Variants in DDAH1 observed in about 807,000 individuals in gnomAD.
DDAH1 encodes N(G),N(G)-dimethylarginine dimethylaminohydrolase 1.
A neutral mutation model predicts 28.8 loss-of-function variants in DDAH1; 19 were observed. That is an observed-to-expected ratio of 0.66 (90% CI 0.46 to 0.97). The LOEUF (loss-of-function observed/expected upper bound fraction) is 0.97, where lower values mean the gene tolerates loss of function less well. DDAH1 is among the 50% of genes least tolerant of loss of function. The pLI, the probability that DDAH1 is intolerant of heterozygous loss-of-function variation, is 0.00. For synonymous variants in DDAH1, 153 were observed against 154.4 expected (o/e 0.99, Z 0.07); for missense variants, 326 against 375.9 (o/e 0.87, Z 1.10).
In DDAH1 at chr1:85,358,956, C is replaced by T. The variant is rs892372075; in HGVS notation, c.304-109G>A. On this transcript the variant is annotated intron_variant, in intron 1 of 5. Transcript: ENST00000284031. ...AAGCTCTCGTGCACACACCCACACA[C>T]ATCCACACTCATATACACACCCATC... 7.3e-6 allele frequency: 5 copies of T among 688,842 alleles called. No homozygotes were observed. In the African/African-American group the frequency reaches 9.0e-5, roughly 12 times the overall value. 42.7% of individuals were successfully genotyped at this position (688,842 alleles called of 1,614,324 possible).
At chr1:85,342,397 T>C (rs1242082687) in intron 4 of DDAH1, among the ~76,000 whole-genome samples, 2 of 151,912 alleles carry the variant, frequency 1.3e-5, no homozygotes, top group African/African-American at 4.8e-5. Flanking sequence ...AGTGTGTGTG[T>C]GTGTGTGTGT....
intron 1 of DDAH1, among the ~76,000 whole-genome samples, chr1:85,575,159 A>C (rs562286853): frequency 1.5e-3 from 232 of 152,290 alleles, no homozygotes; most frequent in Non-Finnish European, 2.3e-3. Context: ...TGAGCCCAGG[A>C]GGTCAAGGCT....
intron 1 of DDAH1, among the ~76,000 whole-genome samples, chr1:85,377,717 C>G (rs1262830195): frequency 2.0e-5 from 3 of 150,854 alleles, no homozygotes; most frequent in African/African-American, 7.3e-5. Flanking sequence ...CTCATCCCCC[C>G]ACCCCCATAC....
In DDAH1 at chr1:85,571,626, T is replaced by C. The variant is rs148705540; in HGVS notation, c.-123+6358A>G. ...AGCATGCAGCATGCCATACATGTTA[T>C]GTTTATTAGAATGAACTGAATCATC... is the stretch of plus-strand genomic sequence containing the variant. On this transcript the variant is annotated intron_variant, in intron 1 of 6. Coordinates refer to the DDAH1 transcript ENST00000426972. Among the ~76,000 whole-genome samples the C allele has an allele frequency of 1.3e-3, 194 of 152,326 alleles. 1 individual carries two copies. The highest frequency in any genetic ancestry group is 4.5e-3 in the African/African-American group (188 of 41,576).
chr1:85,343,757 G>T lies in DDAH1; in HGVS notation c.597+6658C>A, dbSNP rs1054936321. Among the ~76,000 whole-genome samples, 5 of 152,122 alleles carry T rather than the reference G, an allele frequency of 3.3e-5. 1 individual carries two copies. The East Asian group carries it at 9.6e-4, about 29-fold the overall frequency. ...TAGTTGTCATTAAAGGAAATTCCAG[G>T]CAATAAAAAGCATATAAAATCCAAA... On this transcript the variant is annotated intron_variant, in intron 4 of 5. Transcript: ENST00000284031.
At chr1:85,438,314 C>T (rs1654033544) in intron 1 of DDAH1, among the ~76,000 whole-genome samples, 1 of 152,102 alleles carries the variant, frequency 6.6e-6, no homozygotes, top group Admixed American at 6.6e-5. Context: ...CATGGACCCC[C>T]TGAACCTAAA....
intron 2 of DDAH1, among the ~76,000 whole-genome samples, chr1:85,472,756 C>T (rs1192406025): frequency 4.6e-5 from 7 of 151,968 alleles, no homozygotes; most frequent in African/African-American, 7.3e-5. Context: ...GGTACATGTG[C>T]GGGTTTGTGA....
At chr1:85,468,526 T>TC (rs1655468298), upstream of DDAH1, among the ~76,000 whole-genome samples, 1 of 151,458 alleles carries the variant, frequency 6.6e-6, no homozygotes, top group Admixed American at 6.6e-5. Flanking sequence ...CTCTCCTTTT[T>TC]TTTTTTTTTT....
intron 1 of DDAH1, among the ~76,000 whole-genome samples, chr1:85,362,955 C>T (rs1256871914): frequency 2.0e-5 from 3 of 152,106 alleles, no homozygotes; most frequent in African/African-American, 7.2e-5. Context: ...ACTAAAAGAA[C>T]TCCCAAAAAA....
intron 1 of DDAH1, among the ~76,000 whole-genome samples, chr1:85,518,969 G>T (rs534618064): frequency 6.6e-6 from 1 of 151,780 alleles, no homozygotes; most frequent in East Asian, 1.9e-4. Context: ...GAATGAGATA[G>T]AACTGTGTTA....
intron 1 of DDAH1, among the ~76,000 whole-genome samples, chr1:85,442,487 A>G (rs199776843): frequency 2.0e-5 from 3 of 152,252 alleles, no homozygotes; most frequent in African/African-American, 4.8e-5. Context: ...TGCAATAAAC[A>G]TAAGTGTGCA....
chr1:85,510,216 T>A (rs574683547), intron 1 of DDAH1, among the ~76,000 whole-genome samples: 1 of 152,270 alleles, frequency 6.6e-6, no homozygotes, highest in Non-Finnish European at 1.5e-5. Context: ...AAGAAAAGAA[T>A]TTTCAACCCA....
chr1:85,429,134 T>C (rs1162689991), intron 1 of DDAH1, among the ~76,000 whole-genome samples: 1 of 152,090 alleles, frequency 6.6e-6, no homozygotes, highest in Non-Finnish European at 1.5e-5. Context: ...TCATCTACAT[T>C]AGGTATTTCT....
At chr1:85,495,043 C>T (rs1407008495) in intron 2 of DDAH1, 1 of 152,220 alleles carries the variant, frequency 6.6e-6, no homozygotes, top group African/African-American at 2.4e-5. Flanking sequence ...TTAGCAGTTC[C>T]AGCAGAGGGC....
intron 1 of DDAH1, among the ~76,000 whole-genome samples, chr1:85,551,519 G>A (rs1658791181): frequency 6.6e-6 from 1 of 152,188 alleles, no homozygotes; most frequent in Admixed American, 6.5e-5. Flanking sequence ...ACCAATATGA[G>A]TTAAGTGAAG....
intron 1 of DDAH1, among the ~76,000 whole-genome samples, chr1:85,560,357 G>C (rs984128119): frequency 5.3e-5 from 8 of 152,146 alleles, no homozygotes; most frequent in African/African-American, 1.9e-4. Context: ...AATCATATGA[G>C]AGAAATTTGG....
chr1:85,372,636 T>G (rs1269477306), intron 1 of DDAH1, among the ~76,000 whole-genome samples: 1 of 152,150 alleles, frequency 6.6e-6, no homozygotes, highest in African/African-American at 2.4e-5. Flanking sequence ...AAATATTAAC[T>G]AATTTTTAAG....
intron 1 of DDAH1, among the ~76,000 whole-genome samples, chr1:85,525,863 A>C (rs1318068359): frequency 3.3e-5 from 5 of 152,142 alleles, no homozygotes; most frequent in Admixed American, 6.6e-5. Flanking sequence ...GAATAAACTA[A>C]TTTTAGTCCT....
chr1:85,379,932 C>G (rs868798927), intron 1 of DDAH1, among the ~76,000 whole-genome samples: 7 of 152,336 alleles, frequency 4.6e-5, no homozygotes, highest in Middle Eastern at 3.4e-3. Flanking sequence ...ATTGCAAAGC[C>G]TCCTAACTGG....
Sources: gnomAD v4.1 joint callset for allele counts (sites outside exome capture counted in the v4.1 genomes callset) on GRCh38, gnomAD v4.1.1 for gene constraint, MANE v1.5 for transcripts, NCBI Gene and HGNC (gene_info 2026-07-23, HGNC 2026-07-21) for gene names.